DACH2: variants seen among roughly 807,000 people sequenced by gnomAD.
The protein encoded by DACH2 is dachshund family transcription factor 2, also known as dachshund homolog 2.
Under a neutral mutation model 35.8 loss-of-function variants are expected in DACH2, and 17 were observed. The ratio of observed to expected loss-of-function variants is 0.48; its 90% CI spans 0.33 to 0.71. DACH2 has a LOEUF of 0.71. DACH2 is among the 30% of genes least tolerant of loss of function. The pLI, the probability that DACH2 is intolerant of heterozygous loss-of-function variation, is 0.02. For missense variants in DACH2, 469 were observed against 472.7 expected (o/e 0.99, Z 0.07); for synonymous variants, 195 against 177.3 (o/e 1.10, Z -0.79).
At chrX:86,262,759 A>G (rs1029801436) in intron 1 of DACH2, among the ~76,000 whole-genome samples, 1 of 112,489 alleles carries the variant, frequency 8.9e-6, no homozygotes, top group Admixed American at 9.5e-5. Context: ...CTACAGTGGA[A>G]AAAATGGTAA....
intron 3 of DACH2, among the ~76,000 whole-genome samples, chrX:86,577,318 C>T (rs12012691): frequency 0.019 from 2,127 of 110,431 alleles, 61 homozygotes; most frequent in African/African-American, 0.067. Flanking sequence ...TTTTAATAGG[C>T]TATTATAATT....
chrX:86,702,908 A>G (rs2041159830), intron 5 of DACH2, among the ~76,000 whole-genome samples: 1 of 111,271 alleles, frequency 9.0e-6, no homozygotes. Flanking sequence ...ATCCCCTCCA[A>G]CTCATTCTAT....
intron 1 of DACH2, among the ~76,000 whole-genome samples, chrX:86,363,965 C>CAATA (rs2035772520): frequency 9.0e-6 from 1 of 111,219 alleles, no homozygotes; most frequent in Non-Finnish European, 1.9e-5. Context: ...CACTTAAAGA[C>CAATA]TATTAAAATG....
At chrX:86,163,318 G>C (rs173363) in intron 1 of DACH2, among the ~76,000 whole-genome samples, 2 of 110,861 alleles carry the variant, frequency 1.8e-5, no homozygotes, top group African/African-American at 6.6e-5. Flanking sequence ...CCTGTGCCTG[G>C]ATTATTTCAC....
At chrX:86,441,684 A>G (rs1380693929) in intron 2 of DACH2, among the ~76,000 whole-genome samples, 2 of 110,048 alleles carry the variant, frequency 1.8e-5, no homozygotes, top group East Asian at 2.8e-4. Context: ...GCTGGATCAT[A>G]TAGTAATTTT....
At chrX:86,619,660 A>G (rs762865762) in intron 3 of DACH2, among the ~76,000 whole-genome samples, 8 of 112,129 alleles carry the variant, frequency 7.1e-5, no homozygotes, top group African/African-American at 2.6e-4. Flanking sequence ...CAGATACTGC[A>G]TAATACTGAC....
chrX:86,294,613 C>T (rs991817343), intron 1 of DACH2, among the ~76,000 whole-genome samples: 1 of 109,273 alleles, frequency 9.2e-6, no homozygotes, highest in Non-Finnish European at 1.9e-5. Context: ...GTGTGGATGT[C>T]CTTTCTGTTT....
At chrX:86,399,295 T>C (rs1480185006) in intron 2 of DACH2, among the ~76,000 whole-genome samples, 1 of 111,777 alleles carries the variant, frequency 8.9e-6, no homozygotes, top group East Asian at 2.8e-4. Flanking sequence ...GAGATGAGTT[T>C]CCTGAATACA....
At chrX:86,179,409 T>C (rs2031404060) in intron 1 of DACH2, among the ~76,000 whole-genome samples, 1 of 111,768 alleles carries the variant, frequency 8.9e-6, no homozygotes, top group African/African-American at 3.2e-5. Flanking sequence ...AGGAATGATG[T>C]GTTAAAGCAA....
At chrX:86,266,662 T>C (rs983981864) in intron 1 of DACH2, among the ~76,000 whole-genome samples, 8 of 111,550 alleles carry the variant, frequency 7.2e-5, no homozygotes, top group Admixed American at 9.6e-5. Flanking sequence ...GTATTACCTT[T>C]GCAATTGACT....
intron 1 of DACH2, among the ~76,000 whole-genome samples, chrX:86,197,208 T>A (rs2032014813): frequency 9.0e-6 from 1 of 111,116 alleles, no homozygotes; most frequent in African/African-American, 3.3e-5. Context: ...GACAAACAAA[T>A]GATGAGGGAA....
chrX:86,441,869 G>A (rs754936338), intron 2 of DACH2, among the ~76,000 whole-genome samples: 1,260 of 98,183 alleles, frequency 0.013, 31 homozygotes, highest in African/African-American at 0.046. Context: ...GTGTGTGTGT[G>A]TATATATATA....
intron 2 of DACH2, among the ~76,000 whole-genome samples, chrX:86,417,802 T>C (rs953600465): frequency 1.8e-5 from 2 of 111,504 alleles, no homozygotes; most frequent in Admixed American, 1.9e-4. Flanking sequence ...TTAACTCATT[T>C]CAGAATTAAA....
chrX:86,592,595 G>A (rs1031497469), intron 3 of DACH2, among the ~76,000 whole-genome samples: 4 of 112,031 alleles, frequency 3.6e-5, no homozygotes, highest in African/African-American at 1.3e-4. Context: ...TGTGTTGAAT[G>A]TATACATCAA....
chrX:86,314,983 T>G (rs2034870628), intron 1 of DACH2, among the ~76,000 whole-genome samples: 1 of 112,368 alleles, frequency 8.9e-6, no homozygotes, highest in Non-Finnish European at 1.9e-5. Context: ...TTGGTTACAT[T>G]AAACAACAGA....
At chrX:86,605,175 T>C (rs2039840925) in intron 3 of DACH2, among the ~76,000 whole-genome samples, 1 of 111,851 alleles carries the variant, frequency 8.9e-6, no homozygotes, top group Non-Finnish European at 1.9e-5. Flanking sequence ...ACATCAGCAA[T>C]ATCAAATTAT....
chrX:86,582,927 G>A (rs767334020), intron 3 of DACH2, among the ~76,000 whole-genome samples: 3 of 110,838 alleles, frequency 2.7e-5, no homozygotes, highest in Admixed American at 1.9e-4. Context: ...AAAATTTTAG[G>A]CCAAATTTTT....
chrX:86,271,776 A>G (rs139934788), intron 1 of DACH2, among the ~76,000 whole-genome samples: 2,377 of 111,997 alleles, frequency 0.021, 68 homozygotes, highest in African/African-American at 0.073. Context: ...GTTTTATAAA[A>G]AGGATCAGTG....
intron 2 of DACH2, chrX:86,512,925 A>G (rs1227115317): frequency 2.1e-5 from 7 of 327,864 alleles, no homozygotes; most frequent in Non-Finnish European, 4.1e-5. Context: ...AAGTAGAAAG[A>G]AGGAGAGGAG....
Sources: allele counts gnomAD v4.1 joint callset (sites outside exome capture counted in the v4.1 genomes callset), GRCh38; gene constraint gnomAD v4.1.1; transcripts MANE v1.5; gene names NCBI Gene and HGNC (gene_info 2026-07-23, HGNC 2026-07-21).